OR7D2: variants seen among roughly 807,000 people sequenced by gnomAD.
OR7D2 encodes olfactory receptor family 7 subfamily D member 2, also known as olfactory receptor 7D2.
For synonymous variants in OR7D2, 158 were observed against 158.7 expected, an observed-to-expected ratio of 1.00 and a Z score of 0.03; for missense variants, 370 against 384.1, an observed-to-expected ratio of 0.96 and a Z score of 0.31.
In OR7D2 at chr19:9,186,090, C is replaced by A. The variant is rs753517107; in HGVS notation, c.309C>A (p.Phe103Leu). The A allele has an allele frequency of 2.5e-6, 4 of 1,614,090 alleles. No individual in the cohort carries two copies. The highest frequency in any genetic ancestry group is 3.4e-6 in the Non-Finnish European group (4 of 1,180,002). The change falls in exon 3 of 3, where the codon TTC (phenylalanine) becomes TTA (leucine). Residue 103 changes from phenylalanine to leucine, a missense_variant. Coordinates refer to ENST00000641288, the MANE Select transcript of OR7D2 (RefSeq NM_175883.4). ...TGGACTGCCTCACACAGGTCTATTTCTCCATGTTTTTTCCTATTCTGGACA... is the reference window on the plus strand; with the variant it reads ...TGGACTGCCTCACACAGGTCTATTTATCCATGTTTTTTCCTATTCTGGACA... ...SYMDCLTQVY[F>L]SMFFPILDTL... is the part of the protein sequence containing the mutation.
Position 9,187,412 on chromosome 19 carries a change from T to A in OR7D2, c.*692T>A, listed in dbSNP as rs888057651. Reference sequence around the variant, plus strand: ...CAAAAGACATGATTTCATCCTTTTTTATGGCTGAGTAGTACTCCATTGTAT... The same window carrying A: ...CAAAAGACATGATTTCATCCTTTTTAATGGCTGAGTAGTACTCCATTGTAT... On this transcript the variant is annotated 3_prime_UTR_variant, in exon 3 of 3. Coordinates refer to ENST00000641288, the MANE Select transcript of OR7D2 (RefSeq NM_175883.4). 6.0e-6 allele frequency: 1 copy of A among 165,864 alleles called. No individual in the cohort carries two copies. Among genetic ancestry groups the A allele is most frequent in the African/African-American group, 2.4e-5 (1 of 41,472 alleles). The allele number at this position is 165,864 out of a possible 1,614,324, so 10.3% of individuals were successfully genotyped here. A position where few individuals can be genotyped will look rare whatever the true frequency, so the allele number is the denominator to read the frequency against.
chr19:9,186,182 T>A lies in OR7D2; in HGVS notation c.401T>A (p.Ile134Asn), dbSNP rs1299330880. The A allele has an allele frequency of 1.2e-6, 2 of 1,614,082 alleles. No individual in the cohort carries two copies. Among genetic ancestry groups the A allele is most frequent in the Non-Finnish European group, 1.7e-6 (2 of 1,179,974 alleles). The change falls in exon 3 of 3, where the codon ATC (isoleucine) becomes AAC (asparagine). Residue 134 changes from isoleucine (I) to asparagine (N), a missense_variant. Coordinates refer to ENST00000641288, the MANE Select transcript of OR7D2 (RefSeq NM_175883.4). ...VAVCHPLHYM[I>N]IMNPHLCGLL... Reference sequence around the variant, plus strand: ...GTCTGCCACCCTCTGCACTATATGATCATCATGAACCCCCACCTCTGTGGC... The same window carrying A: ...GTCTGCCACCCTCTGCACTATATGAACATCATGAACCCCCACCTCTGTGGC...
intron 2 of OR7D2, among the ~76,000 whole-genome samples, chr19:9,184,770 T>C (rs2051018135): frequency 6.6e-6 from 1 of 152,188 alleles, no homozygotes; most frequent in Admixed American, 6.6e-5. Context: ...TATGTATGTG[T>C]GTGTATATAT....
Position 9,185,996 on chromosome 19 carries a change from G to A in OR7D2, c.215G>A (p.Cys72Tyr). Reference protein sequence around the residue: ...FLSNLSWVDICFSTCIVPKML... With the variant: ...FLSNLSWVDIYFSTCIVPKML... The stretch of plus-strand genomic sequence containing the variant: ...TCCAACCTGTCCTGGGTTGACATCT[G>A]TTTCAGCACTTGCATCGTCCCCAAG... The change falls in exon 3 of 3, where the codon TGT (cysteine) becomes TAT (tyrosine). Residue 72 changes from cysteine to tyrosine, a missense_variant. Physicochemically the swap from Cys to Tyr is radical, Grantham distance 194 (BLOSUM62 -2). Coordinates refer to ENST00000641288, the MANE Select transcript of OR7D2 (RefSeq NM_175883.4). 6.2e-7 allele frequency: 1 copy of A among 1,614,110 alleles called. No individual in the cohort carries two copies. Among genetic ancestry groups the A allele is most frequent in the Non-Finnish European group, 8.5e-7 (1 of 1,180,032 alleles).
rs534859044 is a variant in OR7D2 at position 9,187,599 on chromosome 19, G to T, written c.*879G>T. On this transcript the variant is annotated 3_prime_UTR_variant, in exon 3 of 3. Transcript: ENST00000641288. ...TGACTTCTGAGTTTTTAGTGTACCCGTCACCCAAGTGGTAGTAGTCTCTTA... is the reference window on the plus strand; with the variant it reads ...TGACTTCTGAGTTTTTAGTGTACCCTTCACCCAAGTGGTAGTAGTCTCTTA... 26 of 166,872 alleles carry T rather than the reference G, an allele frequency of 1.6e-4. No homozygotes were observed. Among genetic ancestry groups the T allele is most frequent in the African/African-American group, 6.0e-4 (25 of 41,440 alleles). The allele number at this position is 166,872 out of a possible 1,614,324, so 10.3% of individuals were successfully genotyped here. A position where few individuals can be genotyped will look rare whatever the true frequency, so the allele number is the denominator to read the frequency against.
chr19:9,183,912 T>A (rs2051009620), intron 2 of OR7D2, among the ~76,000 whole-genome samples: 2 of 118,076 alleles, frequency 1.7e-5, no homozygotes, highest in Non-Finnish European at 3.2e-5. Flanking sequence ...GAGCCGAGAT[T>A]GCGCCACTGC....
intron 2 of OR7D2, chr19:9,182,829 A>G (rs2051000678): frequency 4.4e-6 from 1 of 225,664 alleles, no homozygotes; most frequent in Middle Eastern, 1.1e-3. Context: ...CCACATGCAT[A>G]TACTTTTGAT....
chr19:9,184,693 A>G (rs889932920), intron 2 of OR7D2, among the ~76,000 whole-genome samples: 2 of 152,106 alleles, frequency 1.3e-5, no homozygotes, highest in Non-Finnish European at 2.9e-5. Flanking sequence ...AAAATGTGAT[A>G]TATATGTATA....
chr19:9,186,666 G>T lies in OR7D2; in HGVS notation c.885G>T (p.Lys295Asn). 1 of 1,614,100 alleles carries T rather than the reference G, an allele frequency of 6.2e-7. No homozygotes were observed. The highest frequency in any genetic ancestry group is 8.5e-7 in the Non-Finnish European group (1 of 1,179,996). ...LNPFIYSLRN[K>N]DVKGALGSLL... ...CCTTCATCTACAGCCTGAGGAACAA[G>T]GATGTGAAGGGAGCCCTGGGGAGTC... Residue 295 changes from lysine (K) to asparagine (N), a missense_variant, in exon 3 of 3, where the codon AAG (lysine) becomes AAT (asparagine). Lys to Asn is a moderately conservative substitution (Grantham distance 94). Transcript: ENST00000641288.
In OR7D2 at chr19:9,185,956, A is replaced by G. The variant is rs766453164; in HGVS notation, c.175A>G (p.Met59Val). The G allele has an allele frequency of 6.2e-6, 10 of 1,613,918 alleles. No homozygotes were observed. Among genetic ancestry groups the G allele is most frequent in the Non-Finnish European group, 8.5e-6 (10 of 1,179,950 alleles). The change falls in exon 3 of 3, where the codon ATG becomes GTG. Residue 59 changes from methionine to valine, a missense_variant. Transcript: ENST00000641288. Reference sequence around the variant, plus strand: ...CTCTGACTCCCACCTCCACACCCCCATGTACTTCTTCCTCTCCAACCTGTC... The same window carrying G: ...CTCTGACTCCCACCTCCACACCCCCGTGTACTTCTTCCTCTCCAACCTGTC... ...ISSDSHLHTP[M>V]YFFLSNLSWV...
intron 2 of OR7D2, among the ~76,000 whole-genome samples, chr19:9,185,253 A>G (rs907445205): frequency 6.6e-6 from 1 of 152,144 alleles, no homozygotes; most frequent in Admixed American, 6.5e-5. Context: ...TACAGTAACC[A>G]TTTTACTATC....
Position 9,187,169 on chromosome 19 carries a change from T to C in OR7D2, c.*449T>C. 5.9e-6 allele frequency: 1 copy of C among 169,170 alleles called. No individual in the cohort carries two copies. The allele number at this position is 169,170 out of a possible 1,614,324, so 10.5% of individuals were successfully genotyped here. ...CACCTGCCTTGGCCTCTCAAAGTGC[T>C]GGGATTACAGGTGTGAGCCACCACG... On this transcript the variant is annotated 3_prime_UTR_variant, in exon 3 of 3. Transcript: ENST00000641288.
chr19:9,186,308 A>G lies in OR7D2; in HGVS notation c.527A>G (p.His176Arg), dbSNP rs899001941. 6.2e-7 allele frequency: 1 copy of G among 1,613,472 alleles called. No individual in the cohort carries two copies. Among genetic ancestry groups the G allele is most frequent in the Non-Finnish European group, 8.5e-7 (1 of 1,179,896 alleles). ...TTCTGTAAAGATTTTGAAATTCCAC[A>G]TTTTTTCTGCGAACTGACGTACATC... ...LIFCKDFEIP[H>R]FFCELTYILQ... is the part of the protein sequence containing the mutation. Residue 176 changes from histidine to arginine, a missense_variant, in exon 3 of 3, where the codon CAT becomes CGT. Transcript: ENST00000641288.
At chr19:9,180,511 G>A (rs1254101172) in intron 1 of OR7D2, among the ~76,000 whole-genome samples, 187 bp from the exon 2 acceptor site, 1 of 152,044 alleles carries the variant, frequency 6.6e-6, no homozygotes, top group African/African-American at 2.4e-5. Context: ...TATCTGACTT[G>A]CCGATATTAA....
At position 9,181,778 on chromosome 19, in the gene OR7D2, T is replaced by C. The variant is rs193016583; in HGVS notation, c.-14+990T>C. On this transcript the variant is annotated intron_variant, in intron 2 of 2. Transcript: ENST00000641288. Reference sequence around the variant, plus strand: ...TTCTTTGTATTTTATGGCACTGACATTTTTGAAGAGCACAAGTGAGATATT... The same window carrying C: ...TTCTTTGTATTTTATGGCACTGACACTTTTGAAGAGCACAAGTGAGATATT... Among the ~76,000 whole-genome samples the C allele has an allele frequency of 7.6e-4, 115 of 152,274 alleles. 1 individual carries two copies. The highest frequency in any genetic ancestry group is 7.1e-4 in the Non-Finnish European group (48 of 68,022).
intron 1 of OR7D2, among the ~76,000 whole-genome samples, chr19:9,179,933 G>A (rs151239042): frequency 3.6e-4 from 55 of 151,874 alleles, no homozygotes; most frequent in African/African-American, 1.3e-3. Context: ...AACCTGGGAG[G>A]CAGAGGTTGC....
intron 2 of OR7D2, among the ~76,000 whole-genome samples, chr19:9,181,854 C>T (rs900582891): frequency 6.6e-6 from 1 of 151,892 alleles, no homozygotes; most frequent in Non-Finnish European, 1.5e-5. Flanking sequence ...TAAAGTTCTG[C>T]GTCTTTGGCA....
chr19:9,180,081 A>G (rs2050979541), intron 1 of OR7D2, among the ~76,000 whole-genome samples: 2 of 151,888 alleles, frequency 1.3e-5, no homozygotes, highest in Admixed American at 1.3e-4. Context: ...GATGTTACAT[A>G]TATTATCATT....
At chr19:9,183,388 G>A (rs989646046) in intron 2 of OR7D2, among the ~76,000 whole-genome samples, 17 of 152,178 alleles carry the variant, frequency 1.1e-4, no homozygotes, top group African/African-American at 2.4e-4. Context: ...CGATCCTCCC[G>A]CCTCAGCCTC....
Sources: gnomAD v4.1 joint callset for allele counts (sites outside exome capture counted in the v4.1 genomes callset) on GRCh38, gnomAD v4.1.1 for gene constraint, MANE v1.5 for transcripts, NCBI Gene and HGNC (gene_info 2026-07-23, HGNC 2026-07-21) for gene names.